The following ZRANB3 variants were observed in gnomAD, a reference collection of about 807,000 sequenced individuals.
ZRANB3 encodes zinc finger RANBP2-type containing 3, also known as DNA annealing helicase and endonuclease ZRANB3.
Under a neutral mutation model 133.8 loss-of-function variants are expected in ZRANB3, and 125 were observed. The ratio of observed to expected loss-of-function variants is 0.93; its 90% CI spans 0.81 to 1.08. ZRANB3 has a LOEUF of 1.08. ZRANB3 is among the 50% of genes least tolerant of loss of function. The pLI is 0.00. For missense variants in ZRANB3, 1,229 were observed against 1,275.5 expected, an observed-to-expected ratio of 0.96 and a Z score of 0.56; for synonymous variants, 387 against 432.7, an observed-to-expected ratio of 0.89 and a Z score of 1.31.
intron 1 of ZRANB3, among the ~76,000 whole-genome samples, chr2:135,521,448 C>T (rs988467983): frequency 6.6e-6 from 1 of 152,144 alleles, no homozygotes; most frequent in Non-Finnish European, 1.5e-5. Flanking sequence ...AGGACAATCG[C>T]TTGAACCCGG....
chr2:135,355,430 C>T lies in ZRANB3; in HGVS notation c.181-1802G>A, dbSNP rs566005649. ...AGGCTGGAGTGCAATAGCACGATCTCGGCTCACAGCAACCTCCACCTCCCA... is the reference window on the plus strand; with the variant it reads ...AGGCTGGAGTGCAATAGCACGATCTTGGCTCACAGCAACCTCCACCTCCCA... On this transcript the variant is annotated intron_variant, in intron 3 of 20. Transcript: ENST00000264159. Among the ~76,000 whole-genome samples, 7 of 151,160 alleles carry T rather than the reference C, an allele frequency of 4.6e-5. No homozygotes were observed. In the East Asian group the frequency reaches 1.4e-3, roughly 30 times the overall value.
At chr2:135,326,898 CAAAAAA>C (rs56683794) in intron 6 of ZRANB3, among the ~76,000 whole-genome samples, 4,682 of 61,436 alleles carry the variant, frequency 0.076, 242 homozygotes, top group African/African-American at 0.19. Context: ...GACTCCATCT[CAAAAAA>C]AAAAAAAAAA....
intron 2 of ZRANB3, among the ~76,000 whole-genome samples, chr2:135,441,090 A>C (rs1689758648): frequency 1.3e-5 from 2 of 152,200 alleles, no homozygotes; most frequent in South Asian, 4.1e-4. Flanking sequence ...AACTTCCCAA[A>C]TCTGAAGAAA....
intron 13 of ZRANB3, among the ~76,000 whole-genome samples, chr2:135,229,263 A>G (rs1694883647): frequency 6.6e-6 from 1 of 152,136 alleles, no homozygotes; most frequent in African/African-American, 2.4e-5. Flanking sequence ...TCCTCCCTAC[A>G]TTTTCCTTCA....
chr2:135,454,257 C>T (rs529044374), intron 2 of ZRANB3, among the ~76,000 whole-genome samples: 1 of 152,286 alleles, frequency 6.6e-6, no homozygotes, highest in East Asian at 1.9e-4. Context: ...TCCCACAACA[C>T]ATGGGAATTC....
Position 135,302,602 on chromosome 2 carries a change from T to C in ZRANB3, c.966+10887A>G, listed in dbSNP as rs569681326. 2.6e-5 allele frequency among the ~76,000 whole-genome samples: 4 copies of C among 151,784 alleles called. No individual in the cohort carries two copies. The South Asian group carries it at 8.3e-4, about 32-fold the overall frequency. ...GTGCAGTGGCACCATCTTAGCTCAC[T>C]ACAACCTCCACCTCCTGAGCTCAAG... On this transcript the variant is annotated intron_variant, in intron 8 of 20. Coordinates refer to ENST00000264159, the MANE Select transcript of ZRANB3 (RefSeq NM_032143.4).
intron 3 of ZRANB3, among the ~76,000 whole-genome samples, chr2:135,385,822 TTA>T (rs931424371): frequency 1.3e-5 from 2 of 152,182 alleles, no homozygotes; most frequent in Admixed American, 1.3e-4. Context: ...GCTTTACACC[TTA>T]TACAAAAATT....
At chr2:135,260,987 T>C (rs1679936491) in intron 12 of ZRANB3, among the ~76,000 whole-genome samples, 1 of 147,730 alleles carries the variant, frequency 6.8e-6, no homozygotes, top group South Asian at 2.1e-4. Context: ...ACTATATATG[T>C]AGTATATATA....
At chr2:135,320,247 G>A (rs1683456715) in intron 6 of ZRANB3, among the ~76,000 whole-genome samples, 2 of 152,118 alleles carry the variant, frequency 1.3e-5, no homozygotes, top group Admixed American at 1.3e-4. Flanking sequence ...TAGTTGCATG[G>A]GAAGGAAAGA....
chr2:135,344,656 GA>G, intron 6 of ZRANB3, among the ~76,000 whole-genome samples: 1 of 152,266 alleles, frequency 6.6e-6, no homozygotes, highest in East Asian at 1.9e-4. Context: ...AGAATTGCTT[GA>G]ACATCGGAAG....
rs149269510 is a variant in ZRANB3, at chr2:135,218,695, T to C, written c.2352+382A>G. On this transcript the variant is annotated intron_variant, in intron 16 of 20. Transcript: ENST00000264159. ...AGTGCTTCTGATAATGAATCAAGAA[T>C]CACCCAATAAGGTATTATCTCTGCT... Among the ~76,000 whole-genome samples, 196 of 152,320 alleles carry C rather than the reference T, an allele frequency of 1.3e-3. 1 individual carries two copies. Among genetic ancestry groups the C allele is most frequent in the African/African-American group, 4.6e-3 (191 of 41,570 alleles).
At position 135,200,187 on chromosome 2, in the gene ZRANB3, T is replaced by C. The variant is rs1157710681; in HGVS notation, c.*155A>G. ...TTCTGTTAAGTACTTTCAAAATGTA[T>C]TTAATACTAAAAGTAATTAGTAGAA... On this transcript the variant is annotated 3_prime_UTR_variant, in exon 21 of 21. Coordinates refer to ENST00000264159, the MANE Select transcript of ZRANB3 (RefSeq NM_032143.4). 1 of 683,490 alleles carries C rather than the reference T, an allele frequency of 1.5e-6. No individual in the cohort carries two copies. The highest frequency in any genetic ancestry group is 1.8e-5 in the African/African-American group (1 of 55,522). 42.3% of individuals were successfully genotyped at this position (683,490 alleles called of 1,614,324 possible). A position where few individuals can be genotyped will look rare whatever the true frequency, so the allele number is the denominator to read the frequency against.
chr2:135,472,804 G>A (rs1371064322), intron 2 of ZRANB3, among the ~76,000 whole-genome samples: 1 of 152,088 alleles, frequency 6.6e-6, no homozygotes, highest in Non-Finnish European at 1.5e-5. Context: ...CAAACAGGAG[G>A]CTGTTAATAA....
rs1553454028 is a variant in ZRANB3 at position 135,199,026 on chromosome 2, C to T, written c.*1316G>A. 2.6e-5 allele frequency: 4 copies of T among 152,202 alleles called. No individual in the cohort carries two copies. Among genetic ancestry groups the T allele is most frequent in the Non-Finnish European group, 5.9e-5 (4 of 68,050 alleles). The allele number at this position is 152,202 out of a possible 1,614,324, so 9.4% of individuals were successfully genotyped here. On this transcript the variant is annotated 3_prime_UTR_variant, in exon 21 of 21. Coordinates refer to ENST00000264159, the MANE Select transcript of ZRANB3 (RefSeq NM_032143.4). ...TCCTGTATTTTGTATAGTTCTGACT[C>T]TTTGCCCTCATGATTCTGACATATT...
At chr2:135,204,399 TGACA>T (rs1157161048) in intron 19 of ZRANB3, among the ~76,000 whole-genome samples, 1 of 152,110 alleles carries the variant, frequency 6.6e-6, no homozygotes, top group Non-Finnish European at 1.5e-5. Flanking sequence ...GCCCCCACTC[TGACA>T]GACTCAATAA....
chr2:135,341,023 TATTGATTG>T (rs58725213), intron 6 of ZRANB3, among the ~76,000 whole-genome samples: 1 of 149,226 alleles, frequency 6.7e-6, no homozygotes, highest in South Asian at 2.1e-4. Context: ...ACTGACTATT[TATTGATTG>T]ATTGATTGAT....
intron 2 of ZRANB3, among the ~76,000 whole-genome samples, chr2:135,496,015 T>C (rs1692645215): frequency 6.6e-6 from 1 of 152,164 alleles, no homozygotes; most frequent in Admixed American, 6.5e-5. Flanking sequence ...CTGTGTGATC[T>C]TGGAAACTGC....
At chr2:135,344,852 C>T (rs1407548140) in intron 6 of ZRANB3, among the ~76,000 whole-genome samples, 1 of 152,106 alleles carries the variant, frequency 6.6e-6, no homozygotes, top group Non-Finnish European at 1.5e-5. Flanking sequence ...GAATAATGCA[C>T]AAATTGTGCT....
intron 1 of ZRANB3, among the ~76,000 whole-genome samples, chr2:135,508,554 A>G (rs1693301019): frequency 6.6e-6 from 1 of 152,220 alleles, no homozygotes; most frequent in South Asian, 2.1e-4. Context: ...AATCTAAAAC[A>G]TTATGAAAAT....
Sources: allele counts gnomAD v4.1 joint callset (sites outside exome capture counted in the v4.1 genomes callset), GRCh38; gene constraint gnomAD v4.1.1; transcripts MANE v1.5; gene names NCBI Gene and HGNC (gene_info 2026-07-23, HGNC 2026-07-21).